Variants in FAM53A observed in about 807,000 individuals in gnomAD.
FAM53A encodes family with sequence similarity 53 member A, also known as protein FAM53A.
In FAM53A, 28 loss-of-function variants were observed where a neutral mutation model predicts 26.6. The ratio of observed to expected loss-of-function variants is 1.05; its 90% CI spans 0.78 to 1.45. The LOEUF (loss-of-function observed/expected upper bound fraction) is 1.45, where lower values mean the gene tolerates loss of function less well. Among genes scored for constraint, FAM53A ranks in the 40% most tolerant of loss-of-function variants. The probability of loss-of-function intolerance (pLI) is 0.00; values close to 1 mark genes in which losing one functional copy is unlikely to be tolerated. For missense variants in FAM53A, 650 were observed against 575.8 expected (o/e 1.13, Z -1.32); for synonymous variants, 290 against 253.1 (o/e 1.15, Z -1.38).
At chr4:1,655,840 C>A in intron 3 of FAM53A, 117 bp from the exon 4 acceptor site, 1 of 1,239,290 alleles carries the variant, frequency 8.1e-7, no homozygotes, top group Non-Finnish European at 1.1e-6. Context: ...ATCGCCGCCA[C>A]CCCTGGGCGT....
At chr4:1,674,772 G>A (rs1310959172) in intron 1 of FAM53A, among the ~76,000 whole-genome samples, 2 of 152,152 alleles carry the variant, frequency 1.3e-5, no homozygotes, top group Admixed American at 6.5e-5. Context: ...CCTCCTGGGG[G>A]ATGCGATTCC....
intron 1 of FAM53A, among the ~76,000 whole-genome samples, chr4:1,625,649 C>G: frequency 1.6e-5 from 2 of 124,194 alleles, no homozygotes; most frequent in African/African-American, 6.0e-5. Context: ...TCAGAAGGCC[C>G]CACGTCCCGA....
the FAM53A span, among the ~76,000 whole-genome samples, chr4:1,605,312 T>C: frequency 4.6e-5 from 7 of 152,084 alleles, no homozygotes; most frequent in Admixed American, 1.3e-4. This position sits in a 1 kb window ranked among gnomAD's most constrained non-coding sequence, Gnocchi z 5.7. Flanking sequence ...ATCCTCCCCA[T>C]GTGGCTGGGG....
intron 1 of FAM53A, among the ~76,000 whole-genome samples, chr4:1,633,513 C>T (rs1034607197): frequency 2.0e-5 from 3 of 151,980 alleles, no homozygotes; most frequent in African/African-American, 7.3e-5. Context: ...ACAAAATACT[C>T]GACACAGGAG....
chr4:1,579,666 ACGACTCAGAACGCCCAGGTC>A, the FAM53A span, among the ~76,000 whole-genome samples: 1 of 152,168 alleles, frequency 6.6e-6, no homozygotes, highest in Admixed American at 6.5e-5. Flanking sequence ...TGAGTGAGTT[ACGACTCAGAACGCCCAGGTC>A]CGAGGTGAGC....
chr4:1,681,459 A>C (rs902652367), intron 1 of FAM53A, among the ~76,000 whole-genome samples: 3 of 151,868 alleles, frequency 2.0e-5, no homozygotes, highest in Non-Finnish European at 4.4e-5. Flanking sequence ...GCTATTTTTA[A>C]GTGCACTGAA....
At chr4:1,641,732 G>C in intron 4 of FAM53A, 125 bp from the exon 5 acceptor site, 2 of 957,336 alleles carry the variant, frequency 2.1e-6, no homozygotes, top group Non-Finnish European at 3.3e-6. Context: ...CACAAAGCAG[G>C]GGCCTTGGTC....
rs1025401491 is a variant in FAM53A, at chr4:1,640,378, C to G, written c.*915G>C. The G allele has an allele frequency of 3.9e-6, 1 of 255,388 alleles. No homozygotes were observed. The highest frequency in any genetic ancestry group is 7.4e-6 in the Non-Finnish European group (1 of 134,262). 15.8% of individuals were successfully genotyped at this position (255,388 alleles called of 1,614,324 possible). Reference sequence around the variant, plus strand: ...ACGGGGCCAGTGGGACTCTGACCACCAACGCCCGGGGTTTCCTAGCAACTA... The same window carrying G: ...ACGGGGCCAGTGGGACTCTGACCACGAACGCCCGGGGTTTCCTAGCAACTA... On this transcript the variant is annotated 3_prime_UTR_variant, in exon 5 of 5. Transcript: ENST00000308132.
downstream of FAM53A, among the ~76,000 whole-genome samples, chr4:1,615,179 G>A (rs60724026): frequency 0.017 from 2,296 of 135,272 alleles, 76 homozygotes; most frequent in African/African-American, 0.061. Context: ...ATGCGGCTAC[G>A]CCCACCCTAC....
intron 4 of FAM53A, among the ~76,000 whole-genome samples, chr4:1,650,237 G>A (rs1236911526): frequency 4.3e-5 from 6 of 138,180 alleles, no homozygotes; most frequent in South Asian, 2.5e-4. Flanking sequence ...TGGCACAGGC[G>A]TGGCGTTTGA....
downstream of FAM53A, among the ~76,000 whole-genome samples, chr4:1,639,539 G>A (rs1239438142): frequency 6.6e-6 from 1 of 152,122 alleles, no homozygotes; most frequent in Non-Finnish European, 1.5e-5. Context: ...CGACAGGAGG[G>A]CTCCTGACCC....
At chr4:1,677,790 C>A (rs934318885) in intron 1 of FAM53A, among the ~76,000 whole-genome samples, 1 of 152,008 alleles carries the variant, frequency 6.6e-6, no homozygotes, top group African/African-American at 2.4e-5. Context: ...ACTAAAAATA[C>A]AAAAATTAGC....
chr4:1,638,447 A>C (rs1184415934), downstream of FAM53A, among the ~76,000 whole-genome samples: 1 of 152,018 alleles, frequency 6.6e-6, no homozygotes, highest in African/African-American at 2.4e-5. Flanking sequence ...GACACCCTAC[A>C]TCAAGGGCAC....
intron 4 of FAM53A, among the ~76,000 whole-genome samples, chr4:1,647,143 T>C (rs1372697899): frequency 6.6e-6 from 1 of 151,610 alleles, no homozygotes; most frequent in African/African-American, 2.4e-5. Flanking sequence ...GAGACCAGCA[T>C]GGCCAACATA....
the FAM53A span, among the ~76,000 whole-genome samples, chr4:1,600,532 G>A: frequency 3.3e-5 from 5 of 152,166 alleles, no homozygotes; most frequent in African/African-American, 9.7e-5. Context: ...CCCCACGTGT[G>A]CACTGTCCCT....
chr4:1,679,555 A>G (rs1400197313), intron 1 of FAM53A, among the ~76,000 whole-genome samples: 3 of 150,784 alleles, frequency 2.0e-5, no homozygotes, highest in Non-Finnish European at 4.4e-5. Context: ...GCGTGGTGGC[A>G]CGCACCTGTA....
chr4:1,652,973 ACAC>A (rs1482134300), intron 4 of FAM53A, among the ~76,000 whole-genome samples: 1 of 147,030 alleles, frequency 6.8e-6, no homozygotes, highest in African/African-American at 2.5e-5. Flanking sequence ...CGCATACACT[ACAC>A]CACATACACA....
chr4:1,590,208 G>T, the FAM53A span, among the ~76,000 whole-genome samples: 1 of 151,882 alleles, frequency 6.6e-6, no homozygotes, highest in African/African-American at 2.4e-5. Flanking sequence ...TTTATTTATT[G>T]TATTGCATTA....
the FAM53A span, among the ~76,000 whole-genome samples, chr4:1,599,322 G>A: frequency 1.3e-5 from 2 of 152,246 alleles, no homozygotes; most frequent in African/African-American, 4.8e-5. This position sits in a 1 kb window ranked among gnomAD's most constrained non-coding sequence, Gnocchi z 6.1. Flanking sequence ...AACTCCGCCC[G>A]GTACTTGGCC....
Sources: gnomAD v4.1 joint callset for allele counts (sites outside exome capture counted in the v4.1 genomes callset) on GRCh38, gnomAD v4.1.1 for gene constraint, Gnocchi (gnomAD v3.1) non-coding constraint, MANE v1.5 for transcripts, NCBI Gene and HGNC (gene_info 2026-07-23, HGNC 2026-07-21) for gene names.